The following TMEM11 variants were observed in gnomAD, a reference collection of about 807,000 sequenced individuals.
TMEM11 encodes transmembrane protein 11, mitochondrial.
A neutral mutation model predicts 17.0 loss-of-function variants in TMEM11; 1 was observed. The observed-to-expected ratio is 0.06, with a 90% CI of 0.02 to 0.28. The LOEUF (loss-of-function observed/expected upper bound fraction) is 0.28. TMEM11 is among the 10% of genes least tolerant of loss of function. The pLI, the probability that TMEM11 is intolerant of heterozygous loss-of-function variation, is 1.00. For missense variants in TMEM11, 172 were observed against 252.9 expected (o/e 0.68, Z 2.17); for synonymous variants, 122 against 118.1 (o/e 1.03, Z -0.21).
chr17:21,198,530 A>C lies in TMEM11; in HGVS notation c.373T>G (p.Ser125Ala). 1 of 1,614,254 alleles carries C rather than the reference A, an allele frequency of 6.2e-7. No homozygotes were observed. The highest frequency in any genetic ancestry group is 8.5e-7 in the Non-Finnish European group (1 of 1,180,050). ...SLACCTLYGI[S>A]WQFDPCCKYQ... ...TTGCAGCAAGGGTCAAACTGCCAGG[A>C]GATCCCATAGAGGGTGCAGCAGGCC... is the stretch of plus-strand genomic sequence containing the variant. Residue 125 changes from serine (S) to alanine (A), a missense_variant, in exon 2 of 2, where the codon TCC becomes GCC. Around this residue, in one of 2 missense-constraint regions of TMEM11, gnomAD observed 123 missense variants for 213.6 expected, o/e 0.58. Transcript: ENST00000317635. This position sits in a 1 kb window ranked among gnomAD's most constrained non-coding sequence, Gnocchi z 6.5.
chr17:21,205,240 A>G (rs1486730065), intron 1 of TMEM11, among the ~76,000 whole-genome samples: 1 of 152,184 alleles, frequency 6.6e-6, no homozygotes, highest in African/African-American at 2.4e-5. Context: ...AAGAAGGTTC[A>G]GAGCAGAACT....
chr17:21,200,416 G>A (rs937908012), intron 1 of TMEM11, among the ~76,000 whole-genome samples: 3 of 152,162 alleles, frequency 2.0e-5, no homozygotes, highest in African/African-American at 4.8e-5. Context: ...GGGCCTTGAC[G>A]GGGACACTGC....
chr17:21,213,694 C>T (rs1390203233), intron 1 of TMEM11: 1 of 227,034 alleles, frequency 4.4e-6, no homozygotes, highest in Non-Finnish European at 8.8e-6. Flanking sequence ...TTCCTCTACA[C>T]GTCTGGGGCC....
intron 1 of TMEM11, among the ~76,000 whole-genome samples, chr17:21,200,558 C>T (rs896897626): frequency 6.6e-5 from 10 of 152,142 alleles, no homozygotes; most frequent in Non-Finnish European, 1.5e-4. Context: ...CCAGGATGGT[C>T]GGACCCATCT....
intron 1 of TMEM11, among the ~76,000 whole-genome samples, chr17:21,205,685 C>A (rs1179043897): frequency 6.6e-6 from 1 of 152,040 alleles, no homozygotes; most frequent in African/African-American, 2.4e-5. Context: ...GAAACTCTAC[C>A]CATGAAATGA....
In TMEM11 at chr17:21,198,947, G is replaced by GGGGGAGGTCTGAGC; in HGVS notation, c.63-108_63-107insGCTCAGACCTCCCC. 1 of 1,232,420 alleles carries GGGGGAGGTCTGAGC rather than the reference G, an allele frequency of 8.1e-7. No homozygotes were observed. Among genetic ancestry groups the GGGGGAGGTCTGAGC allele is most frequent in the Non-Finnish European group, 1.1e-6 (1 of 896,950 alleles). 76.3% of individuals were successfully genotyped at this position (1,232,420 alleles called of 1,614,324 possible). On this transcript the variant is annotated intron_variant, in intron 1 of 1. Coordinates refer to ENST00000317635, the MANE Select transcript of TMEM11 (RefSeq NM_003876.3). The surrounding 1 kb of genome is among the most constrained non-coding windows in gnomAD (Gnocchi z 6.5). ...GCTGGGGGAGGTCTGAGCCTGCACTGCGGAGAGCACATCTCACTTGGGTCC... is the reference window on the plus strand; with the variant it reads ...GCTGGGGGAGGTCTGAGCCTGCACTGGGGGAGGTCTGAGCCGGAGAGCACATCTCACTTGGGTCC...
intron 1 of TMEM11, among the ~76,000 whole-genome samples, chr17:21,205,030 T>C (rs1304449863): frequency 1.3e-5 from 2 of 152,058 alleles, no homozygotes; most frequent in African/African-American, 4.8e-5. Context: ...CAGGCCCTCA[T>C]CTCTCCACTT....
intron 1 of TMEM11, among the ~76,000 whole-genome samples, chr17:21,209,940 A>G (rs1171417151): frequency 6.6e-6 from 1 of 152,178 alleles, no homozygotes; most frequent in Non-Finnish European, 1.5e-5. Context: ...TTTTCCTGAG[A>G]ACTGTGCCCA....
chr17:21,210,083 C>T (rs950087852), intron 1 of TMEM11, among the ~76,000 whole-genome samples: 5 of 152,182 alleles, frequency 3.3e-5, no homozygotes, highest in African/African-American at 9.7e-5. Context: ...ACCGACAAGC[C>T]GGGGCAGAGG....
rs975554007 is a variant in TMEM11, at chr17:21,213,862, C to T, written c.62+229G>A. 3 of 559,136 alleles carry T rather than the reference C, an allele frequency of 5.4e-6. No individual in the cohort carries two copies. In the African/African-American group the frequency reaches 6.0e-5, roughly 11 times the overall value. The allele number at this position is 559,136 out of a possible 1,614,324, so 34.6% of individuals were successfully genotyped here. A position where few individuals can be genotyped will look rare whatever the true frequency, so the allele number is the denominator to read the frequency against. The stretch of plus-strand genomic sequence containing the variant: ...CCCGCCCCGCATGGCCGCTGCCTAC[C>T]TTACTCAGCCCGGCTAACGCCCCTT... On this transcript the variant is annotated intron_variant, in intron 1 of 1. Transcript: ENST00000317635.
chr17:21,198,162 G>A lies in TMEM11; in HGVS notation c.*162C>T. The A allele has an allele frequency of 1.1e-6, 1 of 930,604 alleles. No homozygotes were observed. The highest frequency in any genetic ancestry group is 1.6e-6 in the Non-Finnish European group (1 of 635,422). 57.6% of individuals were successfully genotyped at this position (930,604 alleles called of 1,614,324 possible). A position where few individuals can be genotyped will look rare whatever the true frequency, so the allele number is the denominator to read the frequency against. ...AATCCACATCTTAGTGTAATGAGCT[G>A]AAAAACCCTGGGTACACCCGTGATC... On this transcript the variant is annotated 3_prime_UTR_variant, in exon 2 of 2. Transcript: ENST00000317635. This position sits in a 1 kb window ranked among gnomAD's most constrained non-coding sequence, Gnocchi z 6.5.
In TMEM11 at chr17:21,198,486, G is replaced by A. The variant is rs772688448; in HGVS notation, c.417C>T (p.Asp139=). 3.3e-5 allele frequency: 53 copies of A among 1,614,106 alleles called. No homozygotes were observed. The East Asian group carries it at 9.6e-4, about 29-fold the overall frequency. The change falls in exon 2 of 2, where the codon GAC becomes GAT. Residue 139 remains aspartate (D), a synonymous_variant. Transcript: ENST00000317635. The surrounding 1 kb of genome is among the most constrained non-coding windows in gnomAD (Gnocchi z 6.5). Reference sequence around the variant, plus strand: ...GAGGCAGGCGCGACAGTTTATAGGCGTCGTACTCCACTTGGTACTTGCAGC... The same window carrying A: ...GAGGCAGGCGCGACAGTTTATAGGCATCGTACTCCACTTGGTACTTGCAGC... The part of the protein sequence containing the change: ...DPCCKYQVEY[D]AYKLSRLPLH...
intron 1 of TMEM11, among the ~76,000 whole-genome samples, chr17:21,210,003 G>A (rs1307603171): frequency 2.0e-5 from 3 of 152,160 alleles, no homozygotes; most frequent in Non-Finnish European, 4.4e-5. Context: ...GGAGGTTCCC[G>A]GGTGTGCTCG....
chr17:21,205,887 C>T (rs1379918432), intron 1 of TMEM11, among the ~76,000 whole-genome samples: 1 of 152,114 alleles, frequency 6.6e-6, no homozygotes, highest in Non-Finnish European at 1.5e-5. Context: ...TCCGAATTTT[C>T]TTCCTTTTTA....
rs35584579 is a variant in TMEM11, at chr17:21,206,047, T to TG, written c.63-7208dup. Among the ~76,000 whole-genome samples the TG allele has an allele frequency of 5.3e-3, 785 of 149,196 alleles. 4 individuals carry two copies. The highest frequency in any genetic ancestry group is 8.6e-3 in the African/African-American group (352 of 40,854). ...CATCTCTTTGAGTCCCTGCTTTTTT[T>TG]GGGGGGGGGGTATATATACCCAGAA... On this transcript the variant is annotated intron_variant, in intron 1 of 1. Transcript: ENST00000317635.
At chr17:21,206,520 TTTTC>T (rs778859675) in intron 1 of TMEM11, among the ~76,000 whole-genome samples, 3 of 151,968 alleles carry the variant, frequency 2.0e-5, no homozygotes, top group African/African-American at 4.8e-5. Flanking sequence ...CCTGGTCTCA[TTTTC>T]TTTATTTTTA....
intron 1 of TMEM11, chr17:21,211,239 G>A (rs1293084908): frequency 7.8e-7 from 1 of 1,287,052 alleles, no homozygotes; most frequent in South Asian, 1.2e-5. Flanking sequence ...TAGATTTAAT[G>A]GAGTGGAGAG....
intron 1 of TMEM11, 172 bp downstream of exon 1, chr17:21,213,919 C>T: frequency 4.6e-6 from 3 of 654,820 alleles, no homozygotes; most frequent in Non-Finnish European, 7.7e-6. Context: ...CCTTCGACCT[C>T]GCTCCCACCC....
Position 21,198,521 on chromosome 17 carries a change from A to T in TMEM11, c.382T>A (p.Phe128Ile). ...ACTTGGTACTTGCAGCAAGGGTCAA[A>T]CTGCCAGGAGATCCCATAGAGGGTG... is the stretch of plus-strand genomic sequence containing the variant. ...CCTLYGISWQFDPCCKYQVEY... is the reference protein window; with the variant it reads ...CCTLYGISWQIDPCCKYQVEY... The change falls in exon 2 of 2, where the codon TTT becomes ATT. Residue 128 changes from phenylalanine to isoleucine, a missense_variant. Physicochemically the swap from Phe to Ile is conservative, Grantham distance 21. Around this residue, in one of 2 missense-constraint regions of TMEM11, gnomAD observed 123 missense variants for 213.6 expected, o/e 0.58. Transcript: ENST00000317635. This position sits in a 1 kb window ranked among gnomAD's most constrained non-coding sequence, Gnocchi z 6.5. The T allele has an allele frequency of 6.2e-7, 1 of 1,614,232 alleles. No homozygotes were observed. Among genetic ancestry groups the T allele is most frequent in the Non-Finnish European group, 8.5e-7 (1 of 1,180,048 alleles).
Sources: allele counts gnomAD v4.1 joint callset (sites outside exome capture counted in the v4.1 genomes callset), GRCh38; gene constraint gnomAD v4.1.1; regional missense constraint gnomAD v4.1.1; non-coding constraint Gnocchi (gnomAD v3.1); transcripts MANE v1.5; gene names NCBI Gene and HGNC (gene_info 2026-07-23, HGNC 2026-07-21).